The following GRM5 variants were observed in gnomAD, a reference collection of about 807,000 sequenced individuals.
GRM5 encodes metabotropic glutamate receptor 5.
A neutral mutation model predicts 83.1 loss-of-function variants in GRM5; 19 were observed. The observed-to-expected ratio is 0.23, with a 90% confidence interval of 0.16 to 0.34. The LOEUF (loss-of-function observed/expected upper bound fraction) is 0.34. Among genes scored for constraint, GRM5 ranks in the 10% least tolerant of loss-of-function variants. GRM5 has a pLI of 1.00. For missense variants in GRM5, 1,160 were observed against 1,588.3 expected (o/e 0.73, Z 4.58); for synonymous variants, 675 against 633.6 (o/e 1.07, Z -0.98).
chr11:88,892,884 C>T (rs1351942838), intron 2 of GRM5, among the ~76,000 whole-genome samples: 1 of 151,944 alleles, frequency 6.6e-6, no homozygotes, highest in East Asian at 1.9e-4. Context: ...GTGCCCATAA[C>T]CCAGAGGTTT....
intron 3 of GRM5, among the ~76,000 whole-genome samples, chr11:88,823,353 T>C (rs1039117020): frequency 2.2e-4 from 34 of 152,078 alleles, no homozygotes; most frequent in African/African-American, 7.5e-4. Context: ...TATTTTGTTT[T>C]GTGTTTAAGG....
At chr11:88,719,477 G>GTTGA (rs1158611359) in intron 3 of GRM5, among the ~76,000 whole-genome samples, 1 of 152,032 alleles carries the variant, frequency 6.6e-6, no homozygotes, top group Non-Finnish European at 1.5e-5. Flanking sequence ...GGGCATTTAG[G>GTTGA]TTGATTCCAT....
chr11:88,791,752 T>G, intron 3 of GRM5, among the ~76,000 whole-genome samples: 1 of 152,144 alleles, frequency 6.6e-6, no homozygotes, highest in East Asian at 1.9e-4. Context: ...AGCATACAAG[T>G]TTGTGGCATA....
At chr11:88,806,768 T>G (rs916805923) in intron 3 of GRM5, among the ~76,000 whole-genome samples, 3 of 152,168 alleles carry the variant, frequency 2.0e-5, no homozygotes, top group African/African-American at 7.2e-5. Context: ...GGATTTTTTT[T>G]GGTATCCTGT....
chr11:89,060,859 T>C (rs1941977510), intron 1 of GRM5, among the ~76,000 whole-genome samples: 1 of 152,196 alleles, frequency 6.6e-6, no homozygotes, highest in African/African-American at 2.4e-5. Context: ...TCTTGGGTTA[T>C]ATAAATACAT....
At chr11:88,972,338 AAG>A (rs1337762432) in intron 2 of GRM5, among the ~76,000 whole-genome samples, 2 of 152,146 alleles carry the variant, frequency 1.3e-5, no homozygotes, top group Admixed American at 6.6e-5. Flanking sequence ...CTTAGTCTAT[AAG>A]AGAGAGCACT....
chr11:88,522,464 T>G (rs553087149), intron 9 of GRM5, among the ~76,000 whole-genome samples: 1 of 152,066 alleles, frequency 6.6e-6, no homozygotes, highest in African/African-American at 2.4e-5. Context: ...AAATGTGAAG[T>G]TGGAAAAAAA....
chr11:88,985,282 CA>C (rs1461772984), intron 2 of GRM5, among the ~76,000 whole-genome samples: 2 of 152,034 alleles, frequency 1.3e-5, no homozygotes, highest in Non-Finnish European at 2.9e-5. Flanking sequence ...CAGACTCTGG[CA>C]AATTTTAGGT....
intron 3 of GRM5, among the ~76,000 whole-genome samples, chr11:88,805,621 C>T (rs571094132): frequency 4.6e-5 from 7 of 152,126 alleles, no homozygotes; most frequent in African/African-American, 1.7e-4. Flanking sequence ...GCAAATGGAA[C>T]GGTATTGATT....
At position 88,577,718 on chromosome 11, in the gene GRM5, A is replaced by T. The variant is rs148809222; in HGVS notation, c.1691-9726T>A. 7.4e-3 allele frequency among the ~76,000 whole-genome samples: 1,122 copies of T among 152,280 alleles called. 11 individuals are homozygous for T. The highest frequency in any genetic ancestry group is 0.026 in the African/African-American group (1,084 of 41,580). ...AGCATTTGAAAGGAACCATAGAAAG[A>T]GAAACACAGACATAGAGAAAAGCAG... On this transcript the variant is annotated intron_variant, in intron 7 of 9. Coordinates refer to ENST00000305447, the MANE Select transcript of GRM5 (RefSeq NM_001143831.3).
chr11:88,555,665 T>C (rs1225060567), intron 8 of GRM5, among the ~76,000 whole-genome samples: 4 of 152,136 alleles, frequency 2.6e-5, no homozygotes, highest in Non-Finnish European at 4.4e-5. Flanking sequence ...TCTGGCAACT[T>C]CTTTATCCAG....
chr11:88,956,250 T>A (rs1938608516), intron 2 of GRM5, among the ~76,000 whole-genome samples: 2 of 152,212 alleles, frequency 1.3e-5, no homozygotes, highest in African/African-American at 4.8e-5. Context: ...AGAATGCAAA[T>A]CCCTTAACAA....
intron 3 of GRM5, among the ~76,000 whole-genome samples, chr11:88,664,864 C>A (rs1248479640): frequency 6.6e-6 from 1 of 152,052 alleles, no homozygotes; most frequent in Admixed American, 6.6e-5. Context: ...GTGACTTGAG[C>A]AACCACGAAT....
At chr11:88,912,817 T>C (rs1266874622) in intron 2 of GRM5, among the ~76,000 whole-genome samples, 1 of 152,038 alleles carries the variant, frequency 6.6e-6, no homozygotes, top group East Asian at 1.9e-4. Flanking sequence ...TGGATGTGAG[T>C]TTTACTCTCT....
chr11:88,900,465 A>G (rs1156815710), intron 2 of GRM5, among the ~76,000 whole-genome samples: 4 of 152,178 alleles, frequency 2.6e-5, no homozygotes, highest in Admixed American at 6.6e-5. Context: ...CAGATACAAA[A>G]GCAAAGAATC....
intron 4 of GRM5, among the ~76,000 whole-genome samples, chr11:88,622,893 C>A (rs1220607071): frequency 1.3e-5 from 2 of 151,996 alleles, no homozygotes; most frequent in African/African-American, 2.4e-5. Context: ...TAATCCCGGG[C>A]AAGTTATTTA....
intron 9 of GRM5, among the ~76,000 whole-genome samples, chr11:88,511,343 A>G (rs1441567400): frequency 2.0e-5 from 3 of 151,726 alleles, no homozygotes; most frequent in Non-Finnish European, 4.4e-5. Context: ...TGCAGGATCC[A>G]CTCTGTCTGA....
In GRM5 at chr11:88,522,611, G is replaced by C. The variant is rs1007892453; in HGVS notation, c.2726+2698C>G. 3.3e-3 allele frequency among the ~76,000 whole-genome samples: 396 copies of C among 119,946 alleles called. 3 individuals carry two copies. Among genetic ancestry groups the C allele is most frequent in the Middle Eastern group, 0.013 (3 of 238 alleles). 78.7% of individuals were successfully genotyped at this position (119,946 alleles called of 152,430 possible). A position where few individuals can be genotyped will look rare whatever the true frequency, so the allele number is the denominator to read the frequency against. On this transcript the variant is annotated intron_variant, in intron 9 of 9. Transcript: ENST00000305447. ...TCGCTCTCTCTCTCTCTCTGTGTGT[G>C]TGTGTGTGTGTGTGTGTGTGTGTGT... is the stretch of plus-strand genomic sequence containing the variant.
intron 2 of GRM5, among the ~76,000 whole-genome samples, chr11:88,992,662 A>G (rs1340971622): frequency 1.3e-5 from 2 of 151,750 alleles, no homozygotes; most frequent in African/African-American, 4.9e-5. Flanking sequence ...TGTGTCACAT[A>G]TACACCATGG....
Sources: allele counts gnomAD v4.1 joint callset (sites outside exome capture counted in the v4.1 genomes callset), GRCh38; gene constraint gnomAD v4.1.1; transcripts MANE v1.5; gene names NCBI Gene and HGNC (gene_info 2026-07-23, HGNC 2026-07-21).